THUMPD2: variants seen among roughly 807,000 people sequenced by gnomAD.
THUMPD2 encodes THUMP domain 2 tRNA and snRNA guanosine methyltransferase, also known as U6 snRNA (guanine-N(2))-methyltransferase THUMPD2.
THUMPD2 carries 56 observed loss-of-function variants against 49.4 expected under a neutral mutation model. That is an observed-to-expected ratio of 1.13 (90% CI 0.91 to 1.41). The LOEUF is 1.41. Ranked by LOEUF, THUMPD2 falls within the 40% of genes most tolerant of loss-of-function variation. THUMPD2 has a pLI of 0.00. For missense variants in THUMPD2, 709 were observed against 594.5 expected (o/e 1.19, Z -2.00); for synonymous variants, 237 against 205.2 (o/e 1.15, Z -1.32).
intron 8 of THUMPD2, among the ~76,000 whole-genome samples, chr2:39,748,962 G>C (rs1411431183): frequency 6.6e-6 from 1 of 151,750 alleles, no homozygotes; most frequent in Non-Finnish European, 1.5e-5. Flanking sequence ...CTCTAGCCTG[G>C]GTGACAGAGC....
chr2:39,743,064 T>C (rs907478605), intron 9 of THUMPD2, among the ~76,000 whole-genome samples: 17 of 152,186 alleles, frequency 1.1e-4, no homozygotes, highest in African/African-American at 4.1e-4. Context: ...CAAAATGCAG[T>C]GAGATGACTT....
At chr2:39,773,753 C>A (rs899903574) in intron 1 of THUMPD2, among the ~76,000 whole-genome samples, 1 of 151,540 alleles carries the variant, frequency 6.6e-6, no homozygotes, top group Admixed American at 6.6e-5. Context: ...TATATTGGTG[C>A]AGTAAAATGC....
At chr2:39,752,723 A>C (rs1020301356) in intron 8 of THUMPD2, among the ~76,000 whole-genome samples, 3 of 152,242 alleles carry the variant, frequency 2.0e-5, no homozygotes, top group Non-Finnish European at 4.4e-5. Context: ...ATCATTTACA[A>C]ATGATATAAT....
intron 9 of THUMPD2, among the ~76,000 whole-genome samples, chr2:39,742,616 G>T (rs538234437): frequency 1.3e-5 from 2 of 152,136 alleles, no homozygotes; most frequent in African/African-American, 2.4e-5. Flanking sequence ...AATGTAAATC[G>T]TTGCTCACAC....
chr2:39,758,102 A>T (rs1676372233), intron 6 of THUMPD2, among the ~76,000 whole-genome samples: 1 of 152,174 alleles, frequency 6.6e-6, no homozygotes, highest in South Asian at 2.1e-4. Context: ...TATATTTTTG[A>T]TCATTTACTT....
chr2:39,762,505 T>G (rs1676947596), intron 5 of THUMPD2, among the ~76,000 whole-genome samples: 1 of 152,024 alleles, frequency 6.6e-6, no homozygotes, highest in Admixed American at 6.6e-5. Context: ...ATGAGGAAGT[T>G]CTACATGGCA....
intron 8 of THUMPD2, among the ~76,000 whole-genome samples, chr2:39,752,018 T>A (rs921895968): frequency 6.6e-6 from 1 of 152,120 alleles, no homozygotes; most frequent in Admixed American, 6.6e-5. Context: ...TAGTTGAGGG[T>A]CATAAAACAA....
At chr2:39,745,461 T>C (rs1347715929) in intron 8 of THUMPD2, among the ~76,000 whole-genome samples, 1 of 152,238 alleles carries the variant, frequency 6.6e-6, no homozygotes, top group Non-Finnish European at 1.5e-5. Flanking sequence ...TTCCAAGTTA[T>C]GTTTTAACCT....
At chr2:39,739,863 G>A (rs1243869182) in intron 9 of THUMPD2, among the ~76,000 whole-genome samples, 1 of 152,206 alleles carries the variant, frequency 6.6e-6, no homozygotes, top group East Asian at 1.9e-4. Flanking sequence ...GACAGAAACT[G>A]AAGTAACTTT....
Position 39,736,852 on chromosome 2 carries a change from G to T in THUMPD2, c.1395C>A (p.Phe465Leu), listed in dbSNP as rs145719615. Residue 465 changes from phenylalanine (F) to leucine (L), a missense_variant, in exon 10 of 10, where the codon TTC (phenylalanine) becomes TTA (leucine). By Grantham distance (22) the Phe-to-Leu change is conservative. Coordinates refer to ENST00000505747, the MANE Select transcript of THUMPD2 (RefSeq NM_025264.5). ...AGCCAAATGGTGACATTCTGTCTAA[G>T]AATTTGTGGTTACTGGCTTCGAATG... is the stretch of plus-strand genomic sequence containing the variant. ...STSFEASNHK[F>L]LDRMSPFGSL... 74 of 1,614,228 alleles carry T rather than the reference G, an allele frequency of 4.6e-5. No homozygotes were observed. The African/African-American group carries it at 7.6e-4, about 17-fold the overall frequency.
intron 1 of THUMPD2, among the ~76,000 whole-genome samples, chr2:39,774,145 A>G (rs1678753674): frequency 6.6e-6 from 1 of 152,240 alleles, no homozygotes; most frequent in South Asian, 2.1e-4. Context: ...ATGGCATCCT[A>G]TGCAGGGCTA....
At chr2:39,737,328 G>A (rs1476176702) in intron 9 of THUMPD2, among the ~76,000 whole-genome samples, 1 of 152,090 alleles carries the variant, frequency 6.6e-6, no homozygotes, top group Non-Finnish European at 1.5e-5. Flanking sequence ...ATAAATGATT[G>A]TATAAAGGAA....
chr2:39,751,841 C>T (rs1422862346), intron 8 of THUMPD2, among the ~76,000 whole-genome samples: 4 of 152,012 alleles, frequency 2.6e-5, no homozygotes, highest in Non-Finnish European at 4.4e-5. Flanking sequence ...CTACGCCTGG[C>T]TAATTTTTTT....
chr2:39,778,779 A>G (rs920879304), intron 1 of THUMPD2, among the ~76,000 whole-genome samples: 1 of 152,258 alleles, frequency 6.6e-6, no homozygotes, highest in Non-Finnish European at 1.5e-5. Context: ...GTTTGCATTT[A>G]AAGAGCGAAG....
intron 6 of THUMPD2, chr2:39,757,432 A>G: frequency 7.7e-7 from 1 of 1,300,546 alleles, no homozygotes; most frequent in Middle Eastern, 2.1e-4. Flanking sequence ...TAAATTTTAA[A>G]GAGAATATCA....
rs556569531 is a variant in THUMPD2, at chr2:39,743,261, T to C, written c.1187+1109A>G. On this transcript the variant is annotated intron_variant, in intron 9 of 9. Coordinates refer to ENST00000505747, the MANE Select transcript of THUMPD2 (RefSeq NM_025264.5). ...AGACAATTTAGTATCAACTGACCTC[T>C]TATATTCATGTCCATTCATAACTGT... 3.9e-5 allele frequency among the ~76,000 whole-genome samples: 6 copies of C among 152,342 alleles called. No homozygotes were observed. In the South Asian group the frequency reaches 1.2e-3, roughly 32 times the overall value.
At chr2:39,755,843 G>T in intron 7 of THUMPD2, 46 bp downstream of exon 7, 1 of 1,495,088 alleles carries the variant, frequency 6.7e-7, no homozygotes, top group South Asian at 1.1e-5. Flanking sequence ...TACATATACT[G>T]ATTAAAGTAG....
intron 3 of THUMPD2, chr2:39,769,340 C>A: frequency 4.3e-6 from 1 of 232,356 alleles, no homozygotes; most frequent in Non-Finnish European, 8.7e-6. Flanking sequence ...TTGTCTGCGG[C>A]TAGTTATTTG....
intron 8 of THUMPD2, among the ~76,000 whole-genome samples, chr2:39,754,312 A>G: frequency 6.6e-6 from 1 of 152,194 alleles, no homozygotes; most frequent in East Asian, 1.9e-4. Context: ...CTTGGCAGAA[A>G]GGCTTAAAAA....
Sources: gnomAD v4.1 joint callset for allele counts (sites outside exome capture counted in the v4.1 genomes callset) on GRCh38, gnomAD v4.1.1 for gene constraint, MANE v1.5 for transcripts, NCBI Gene and HGNC (gene_info 2026-07-23, HGNC 2026-07-21) for gene names.